The following CSMD1 variants were observed in gnomAD, a reference collection of about 807,000 sequenced individuals.
CSMD1 encodes CUB and sushi domain-containing protein 1.
A neutral mutation model predicts 417.5 loss-of-function variants in CSMD1; 213 were observed. That is an observed-to-expected ratio of 0.51 (90% CI 0.46 to 0.57). CSMD1 has a LOEUF of 0.57. CSMD1 is among the 20% of genes least tolerant of loss of function. CSMD1 has a pLI of 0.00. For synonymous variants in CSMD1, 2,862 were observed against 1,736.8 expected, an observed-to-expected ratio of 1.65 and a Z score of -16.11; for missense variants, 6,923 against 4,529.7, an observed-to-expected ratio of 1.53 and a Z score of -15.17.
intron 3 of CSMD1, among the ~76,000 whole-genome samples, chr8:4,219,456 C>T (rs1349056827): frequency 6.6e-6 from 1 of 152,192 alleles, no homozygotes; most frequent in Non-Finnish European, 1.5e-5. Flanking sequence ...ACCCGAACCT[C>T]TCTCTTGAAC....
At position 3,199,820 on chromosome 8, in the gene CSMD1, A is replaced by G; in HGVS notation, c.5099-11T>C. ...AGGGCAATGTTTCCCCTAGAAACGA[A>G]AACAGAGACAGATTCAGAAAACACA... On this transcript the variant is annotated splice_polypyrimidine_tract_variant and intron_variant, in intron 32 of 69. Coordinates refer to ENST00000635120, the MANE Select transcript of CSMD1 (RefSeq NM_033225.6). The G allele has an allele frequency of 1.3e-6, 2 of 1,538,266 alleles. No homozygotes were observed. The highest frequency in any genetic ancestry group is 1.8e-6 in the Non-Finnish European group (2 of 1,131,800).
At chr8:3,376,918 C>T (rs1441247447) in intron 18 of CSMD1, among the ~76,000 whole-genome samples, 1 of 152,180 alleles carries the variant, frequency 6.6e-6, no homozygotes, top group Non-Finnish European at 1.5e-5. Context: ...GTAATGAGAA[C>T]AAGCCTTATG....
chr8:3,394,716 T>C (rs1401037127), intron 17 of CSMD1, among the ~76,000 whole-genome samples: 2 of 152,292 alleles, frequency 1.3e-5, no homozygotes, highest in South Asian at 2.1e-4. Flanking sequence ...TTTACACATA[T>C]TGTTACTTCA....
intron 3 of CSMD1, among the ~76,000 whole-genome samples, chr8:4,381,340 G>C (rs1034646544): frequency 5.3e-5 from 8 of 152,130 alleles, no homozygotes; most frequent in African/African-American, 1.9e-4. Context: ...CCAACACAAT[G>C]GATGAGGCAT....
At chr8:3,936,855 C>T (rs961008035) in intron 5 of CSMD1, among the ~76,000 whole-genome samples, 1 of 152,148 alleles carries the variant, frequency 6.6e-6, no homozygotes, top group Non-Finnish European at 1.5e-5. Flanking sequence ...ATTGATGGAT[C>T]TAGCTAGACA....
chr8:4,830,241 C>A (rs952646225), intron 1 of CSMD1, among the ~76,000 whole-genome samples: 1 of 152,158 alleles, frequency 6.6e-6, no homozygotes, highest in African/African-American at 2.4e-5. Context: ...CAACCCTATG[C>A]CACAACACCC....
intron 3 of CSMD1, among the ~76,000 whole-genome samples, chr8:4,392,484 G>C (rs1425875144): frequency 6.6e-6 from 1 of 152,048 alleles, no homozygotes; most frequent in South Asian, 2.1e-4. Flanking sequence ...AAACACTCCT[G>C]AGCCAAAGAA....
Position 4,514,163 on chromosome 8 carries a change from CT to C in CSMD1, c.303-94099del, listed in dbSNP as rs571918457. Among the ~76,000 whole-genome samples, 6 of 152,240 alleles carry C rather than the reference CT, an allele frequency of 3.9e-5. No homozygotes were observed. The South Asian group carries it at 1.2e-3, about 32-fold the overall frequency. Reference sequence around the variant, plus strand: ...TGAGCTCCTGGTGAGAGCTCTCTTCCTGGCTTGCAAAATGCCACCTTCTTAC... The same window carrying C: ...TGAGCTCCTGGTGAGAGCTCTCTTCCGGCTTGCAAAATGCCACCTTCTTAC... On this transcript the variant is annotated intron_variant, in intron 2 of 69. Coordinates refer to ENST00000635120, the MANE Select transcript of CSMD1 (RefSeq NM_033225.6).
At position 4,379,099 on chromosome 8, in the gene CSMD1, T is replaced by G. The variant is rs144421187; in HGVS notation, c.415+40854A>C. On this transcript the variant is annotated intron_variant, in intron 3 of 69. Coordinates refer to ENST00000635120, the MANE Select transcript of CSMD1 (RefSeq NM_033225.6). ...ATTCAGCCTACACCACCTTACCAAG[T>G]AATTAATGTTAACATCATAAGTGAA... 3.9e-3 allele frequency among the ~76,000 whole-genome samples: 593 copies of G among 152,284 alleles called. 7 individuals carry two copies. The highest frequency in any genetic ancestry group is 0.013 in the African/African-American group (559 of 41,556).
At position 3,045,131 on chromosome 8, in the gene CSMD1, T is replaced by G. The variant is rs1194261001; in HGVS notation, c.7660+7331A>C. 2.0e-5 allele frequency among the ~76,000 whole-genome samples: 3 copies of G among 152,232 alleles called. No homozygotes were observed. In the East Asian group the frequency reaches 5.8e-4, roughly 29 times the overall value. ...TTAAAGAACGACGGGAGGAAATGCT[T>G]ACTTGAAAGTTTCAGATGATGCTTA... On this transcript the variant is annotated intron_variant, in intron 50 of 69. Transcript: ENST00000635120.
At chr8:3,733,929 C>T (rs573908354) in intron 6 of CSMD1, among the ~76,000 whole-genome samples, 1 of 152,082 alleles carries the variant, frequency 6.6e-6, no homozygotes, top group East Asian at 1.9e-4. Context: ...GTGTTAGCCA[C>T]AGTTTCGGCC....
chr8:4,208,970 A>G (rs1255020353), intron 3 of CSMD1, among the ~76,000 whole-genome samples: 1 of 152,216 alleles, frequency 6.6e-6, no homozygotes, highest in Non-Finnish European at 1.5e-5. Context: ...TTAGAGCTGA[A>G]AAACCTACCA....
chr8:4,822,152 T>C (rs892879567), intron 1 of CSMD1, among the ~76,000 whole-genome samples: 1 of 151,982 alleles, frequency 6.6e-6, no homozygotes, highest in Non-Finnish European at 1.5e-5. Flanking sequence ...GTTATAAGCC[T>C]CTGAATTTAC....
At position 2,937,589 on chromosome 8, in the gene CSMD1, G is replaced by C. The variant is rs924021006; in HGVS notation, c.*996C>G. 1 of 152,190 alleles carries C rather than the reference G, an allele frequency of 6.6e-6. No homozygotes were observed. The highest frequency in any genetic ancestry group is 2.4e-5 in the African/African-American group (1 of 41,448). 9.4% of individuals were successfully genotyped at this position (152,190 alleles called of 1,614,324 possible). On this transcript the variant is annotated 3_prime_UTR_variant, in exon 70 of 70. Transcript: ENST00000635120. Reference sequence around the variant, plus strand: ...TCTGCAAACCCCCTGCTATTAAGTAGTATCAGAGAGACAGTAATTGGATGA... The same window carrying C: ...TCTGCAAACCCCCTGCTATTAAGTACTATCAGAGAGACAGTAATTGGATGA...
chr8:3,902,873 CCTT>C (rs398067508), intron 5 of CSMD1, among the ~76,000 whole-genome samples: 35 of 97,570 alleles, frequency 3.6e-4, no homozygotes, highest in African/African-American at 1.4e-3. Flanking sequence ...ATCCAACTTT[CCTT>C]CCATCTAACA....
At chr8:3,443,609 T>C (rs982909255) in intron 12 of CSMD1, among the ~76,000 whole-genome samples, 1 of 152,160 alleles carries the variant, frequency 6.6e-6, no homozygotes, top group African/African-American at 2.4e-5. Context: ...GACCTTCAAA[T>C]TATACCTACC....
intron 1 of CSMD1, among the ~76,000 whole-genome samples, chr8:4,802,352 CGTGT>C (rs34030430): frequency 0.02 from 2,967 of 146,360 alleles, 27 homozygotes; most frequent in Middle Eastern, 0.049. Flanking sequence ...TGTGTGCGCG[CGTGT>C]GTGTGTGTGT....
intron 5 of CSMD1, among the ~76,000 whole-genome samples, chr8:3,785,037 G>A (rs1053260842): frequency 6.6e-6 from 1 of 152,172 alleles, no homozygotes; most frequent in Admixed American, 6.5e-5. Context: ...AGGGAATAGA[G>A]ATAGAAAAAC....
intron 7 of CSMD1, among the ~76,000 whole-genome samples, chr8:3,687,508 A>C (rs1257080966): frequency 6.6e-6 from 1 of 152,164 alleles, no homozygotes. Context: ...CAACCATCTC[A>C]ATTTTAATTT....
Sources: gnomAD v4.1 joint callset for allele counts (sites outside exome capture counted in the v4.1 genomes callset) on GRCh38, gnomAD v4.1.1 for gene constraint, MANE v1.5 for transcripts, NCBI Gene and HGNC (gene_info 2026-07-23, HGNC 2026-07-21) for gene names.